Variants in NR1D2 observed in about 807,000 individuals in gnomAD.
NR1D2 encodes nuclear receptor subfamily 1 group D member 2, also known as V-erbA-related protein 1-related.
Under a neutral mutation model 52.2 loss-of-function variants are expected in NR1D2, and 25 were observed. The observed-to-expected ratio is 0.48, with a 90% confidence interval of 0.35 to 0.67. The LOEUF is 0.67. Ranked by LOEUF, NR1D2 falls within the 30% of genes least tolerant of loss-of-function variation. The pLI is 0.01. For synonymous variants in NR1D2, 259 were observed against 230.1 expected (o/e 1.13, Z -1.14); for missense variants, 681 against 707.2 (o/e 0.96, Z 0.42).
intron 7 of NR1D2, among the ~76,000 whole-genome samples, chr3:23,972,552 A>G (rs1706617881): frequency 6.6e-6 from 1 of 151,742 alleles, no homozygotes; most frequent in Non-Finnish European, 1.5e-5. Context: ...GTCAAGGCTC[A>G]TTTACATACA....
intron 6 of NR1D2, 110 bp from the exon 7 acceptor site, chr3:23,967,703 A>T: frequency 1.3e-6 from 1 of 798,444 alleles, no homozygotes; most frequent in Admixed American, 2.9e-5. Flanking sequence ...TTTCTTTTAT[A>T]ACTTTCTTTT....
rs925000429 is a variant in NR1D2 at position 23,974,088 on chromosome 3, C to T, written c.1544-3135C>T. On this transcript the variant is annotated intron_variant, in intron 7 of 7. Transcript: ENST00000312521. ...CTGCCTGAGGCTGCTTTACAGTTAC[C>T]TTTTTTTTTTTTTTTTTTTTTTTTT... Among the ~76,000 whole-genome samples, 14 of 79,502 alleles carry T rather than the reference C, an allele frequency of 1.8e-4. No individual in the cohort carries two copies. In the South Asian group the frequency reaches 1.8e-3, roughly 10 times the overall value. The allele number at this position is 79,502 out of a possible 152,430, so 52.2% of individuals were successfully genotyped here. A position where few individuals can be genotyped will look rare whatever the true frequency, so the allele number is the denominator to read the frequency against.
intron 7 of NR1D2, among the ~76,000 whole-genome samples, chr3:23,969,632 G>C (rs1331666748): frequency 1.3e-5 from 2 of 152,196 alleles, no homozygotes; most frequent in Non-Finnish European, 2.9e-5. Flanking sequence ...TTATTTATCT[G>C]ATGAATATGC....
At chr3:23,946,016 C>T (rs1267691642) in intron 1 of NR1D2, 14 of 753,480 alleles carry the variant, frequency 1.9e-5, no homozygotes, top group Non-Finnish European at 2.3e-5. Flanking sequence ...GCCGCAGGGA[C>T]ACGTGGGGGC....
At chr3:23,966,560 C>T (rs1706455828) in intron 6 of NR1D2, among the ~76,000 whole-genome samples, 1 of 152,188 alleles carries the variant, frequency 6.6e-6, no homozygotes, top group African/African-American at 2.4e-5. Context: ...TTCTTTAATG[C>T]CTTTGGCCAG....
chr3:23,957,723 CAA>C (rs1157597750), intron 3 of NR1D2, among the ~76,000 whole-genome samples: 3 of 127,078 alleles, frequency 2.4e-5, no homozygotes, highest in Non-Finnish European at 1.7e-5. Context: ...GATTCCGTCT[CAA>C]AAAAAAAAAA....
intron 2 of NR1D2, among the ~76,000 whole-genome samples, chr3:23,955,092 G>C (rs1275348607): frequency 6.6e-6 from 1 of 152,168 alleles, no homozygotes; most frequent in Non-Finnish European, 1.5e-5. Flanking sequence ...CTTTTCTTCT[G>C]AACTACTAGA....
chr3:23,980,268 ATTC>A lies in NR1D2; in HGVS notation c.*2852_*2854del, dbSNP rs924834227. 3.9e-5 allele frequency: 6 copies of A among 152,114 alleles called. No homozygotes were observed. The highest frequency in any genetic ancestry group is 1.2e-4 in the African/African-American group (5 of 41,440). 9.4% of individuals were successfully genotyped at this position (152,114 alleles called of 1,614,324 possible). A position where few individuals can be genotyped will look rare whatever the true frequency, so the allele number is the denominator to read the frequency against. ...ACGAAAGTAAATACCTATCTCAATT[ATTC>A]TTTTTCTTTTCCAATATAAAGTTTG... On this transcript the variant is annotated 3_prime_UTR_variant, in exon 8 of 8. Transcript: ENST00000312521.
chr3:23,969,015 G>A (rs1027706536), intron 7 of NR1D2, among the ~76,000 whole-genome samples: 1 of 152,078 alleles, frequency 6.6e-6, no homozygotes, highest in Admixed American at 6.5e-5. Flanking sequence ...CAGGCGCCAG[G>A]GGTGCACGCC....
At chr3:23,962,684 A>G in intron 5 of NR1D2, 79 bp downstream of exon 5, 1 of 1,345,176 alleles carries the variant, frequency 7.4e-7, no homozygotes, top group Non-Finnish European at 1.0e-6. Flanking sequence ...AGATATGCTA[A>G]CTTGGGGGGA....
intron 1 of NR1D2, among the ~76,000 whole-genome samples, chr3:23,949,843 GT>G (rs1705878103): frequency 6.6e-6 from 1 of 152,200 alleles, no homozygotes; most frequent in African/African-American, 2.4e-5. Context: ...AAGTGTGAGG[GT>G]TTTGATGATG....
rs547909068 is a variant in NR1D2 at position 23,953,268 on chromosome 3, A to C, written c.17-1269A>C. Among the ~76,000 whole-genome samples the C allele has an allele frequency of 3.6e-5, 5 of 139,262 alleles. No homozygotes were observed. In the East Asian group the frequency reaches 1.2e-3, roughly 32 times the overall value. 91.4% of individuals were successfully genotyped at this position (139,262 alleles called of 152,430 possible). A position where few individuals can be genotyped will look rare whatever the true frequency, so the allele number is the denominator to read the frequency against. Reference sequence around the variant, plus strand: ...TGAGACAGGAAAATTGCTTGGACCCAGGAGGTGGAGGTTGCTGTAAGTCGA... The same window carrying C: ...TGAGACAGGAAAATTGCTTGGACCCCGGAGGTGGAGGTTGCTGTAAGTCGA... On this transcript the variant is annotated intron_variant, in intron 1 of 7. Coordinates refer to ENST00000312521, the MANE Select transcript of NR1D2 (RefSeq NM_005126.5).
chr3:23,952,150 C>T (rs1705949732), intron 1 of NR1D2, among the ~76,000 whole-genome samples: 1 of 152,138 alleles, frequency 6.6e-6, no homozygotes, highest in Non-Finnish European at 1.5e-5. Flanking sequence ...GCCCCTAGTC[C>T]AGGGCCCACA....
At chr3:23,952,675 G>C (rs778450872) in intron 1 of NR1D2, among the ~76,000 whole-genome samples, 158 of 151,168 alleles carry the variant, frequency 1.0e-3, no homozygotes, top group Non-Finnish European at 1.6e-3. Flanking sequence ...GCAGTGAGCT[G>C]AGGTTGTGCC....
In NR1D2 at chr3:23,954,731, C is replaced by A. The variant is rs764920839; in HGVS notation, c.211C>A (p.Arg71=). 3.1e-6 allele frequency: 5 copies of A among 1,613,908 alleles called. No homozygotes were observed. The highest frequency in any genetic ancestry group is 1.1e-5 in the South Asian group (1 of 91,080). Residue 71 remains arginine, a synonymous_variant, in exon 2 of 8, where the codon CGA becomes AGA. Transcript: ENST00000312521. ...TATTGAAGGCATCTTGAAGAATGAT[C>A]GAATAGATTGTTCTATGAAAACAAG... ...ANIEGILKND[R]IDCSMKTSKS...
At chr3:23,960,703 G>C (rs1340730821) in intron 4 of NR1D2, among the ~76,000 whole-genome samples, 1 of 152,116 alleles carries the variant, frequency 6.6e-6, no homozygotes, top group Non-Finnish European at 1.5e-5. Context: ...TTTTTTTATA[G>C]TGCTAAAAGT....
intron 3 of NR1D2, among the ~76,000 whole-genome samples, chr3:23,959,234 A>C (rs1391658777): frequency 6.6e-6 from 1 of 151,072 alleles, no homozygotes; most frequent in Non-Finnish European, 1.5e-5. Flanking sequence ...ACTGCACTCT[A>C]GCCTGGGCAA....
intron 2 of NR1D2, among the ~76,000 whole-genome samples, chr3:23,955,164 A>C (rs1255049468): frequency 6.6e-6 from 1 of 152,196 alleles, no homozygotes; most frequent in Non-Finnish European, 1.5e-5. Flanking sequence ...CGTTAGTGAA[A>C]CTGGATTTGG....
intron 1 of NR1D2, chr3:23,946,081 G>A: frequency 1.0e-6 from 1 of 984,186 alleles, no homozygotes; most frequent in Non-Finnish European, 1.2e-6. Flanking sequence ...GGGAGGCTCC[G>A]CCCCTTTGGA....
Sources: gnomAD v4.1 joint callset for allele counts (sites outside exome capture counted in the v4.1 genomes callset) on GRCh38, gnomAD v4.1.1 for gene constraint, MANE v1.5 for transcripts, NCBI Gene and HGNC (gene_info 2026-07-23, HGNC 2026-07-21) for gene names.